The following AFAP1 variants were observed in gnomAD, a reference collection of about 807,000 sequenced individuals.
AFAP1 encodes actin filament-associated protein 1.
In AFAP1, 75 loss-of-function variants were observed where a neutral mutation model predicts 93.9. The observed-to-expected ratio is 0.80, with a 90% CI of 0.66 to 0.97. The LOEUF is 0.97. Ranked by LOEUF, AFAP1 falls within the 50% of genes least tolerant of loss-of-function variation. AFAP1 has a pLI of 0.00. For synonymous variants in AFAP1, 517 were observed against 430.7 expected (o/e 1.20, Z -2.48); for missense variants, 1,201 against 1,050.8 (o/e 1.14, Z -1.98).
At chr4:7,815,994 G>T (rs766079756) in intron 8 of AFAP1, 24 bp downstream of exon 8, 10 of 1,561,324 alleles carry the variant, frequency 6.4e-6, no homozygotes, top group Non-Finnish European at 6.1e-6. Flanking sequence ...GTGTATATAT[G>T]TTTTTGGCAC....
chr4:7,872,148 G>C, intron 1 of AFAP1, 68 bp from the exon 2 acceptor site: 1 of 1,564,278 alleles, frequency 6.4e-7, no homozygotes, highest in Non-Finnish European at 8.7e-7. Flanking sequence ...TGAATACTGA[G>C]TCTTACTCGA....
chr4:7,925,076 T>G (rs1487347510), intron 1 of AFAP1, among the ~76,000 whole-genome samples: 1 of 152,046 alleles, frequency 6.6e-6, no homozygotes, highest in South Asian at 2.1e-4. Flanking sequence ...CTCTGCCACA[T>G]GCAAGTGACG....
chr4:7,768,829 G>T lies in AFAP1; in HGVS notation c.2418+15C>A. ...TGCCCAGGACACCCAGACACCCCCG[G>T]ACATCAGGGCTTACCTTGGCCTTCC... On this transcript the variant is annotated intron_variant, in intron 17 of 17. Transcript: ENST00000420658. The T allele has an allele frequency of 6.4e-7, 1 of 1,565,954 alleles. No individual in the cohort carries two copies. Among genetic ancestry groups the T allele is most frequent in the South Asian group, 1.2e-5 (1 of 86,336 alleles).
intron 12 of AFAP1, among the ~76,000 whole-genome samples, chr4:7,785,627 A>C (rs758458855): frequency 3.9e-5 from 6 of 152,216 alleles, no homozygotes; most frequent in Non-Finnish European, 7.3e-5. Flanking sequence ...TAGTGGGCTG[A>C]CACATTTAAT....
chr4:7,852,288 T>C (rs933426225), intron 4 of AFAP1, among the ~76,000 whole-genome samples: 4 of 152,112 alleles, frequency 2.6e-5, no homozygotes, highest in Non-Finnish European at 5.9e-5. Flanking sequence ...TTGCTTTCCT[T>C]CCCTAAAATG....
At chr4:7,853,637 T>C (rs1714710274) in intron 4 of AFAP1, among the ~76,000 whole-genome samples, 1 of 152,092 alleles carries the variant, frequency 6.6e-6, no homozygotes. Flanking sequence ...TTCAATAAAC[T>C]CTTCCCTCCA....
At chr4:7,865,350 G>T (rs962580361) in intron 3 of AFAP1, among the ~76,000 whole-genome samples, 1 of 152,214 alleles carries the variant, frequency 6.6e-6, no homozygotes, top group Admixed American at 6.5e-5. Context: ...GCTGGGTATG[G>T]TAGCTCACGC....
intron 3 of AFAP1, among the ~76,000 whole-genome samples, chr4:7,862,921 C>T (rs749329460): frequency 5.3e-5 from 8 of 152,164 alleles, no homozygotes; most frequent in Non-Finnish European, 1.0e-4. Flanking sequence ...GCAGCACAAA[C>T]GGCGCTTATC....
At chr4:7,766,255 G>T (rs904141670) in intron 17 of AFAP1, among the ~76,000 whole-genome samples, 2 of 152,276 alleles carry the variant, frequency 1.3e-5, no homozygotes, top group African/African-American at 2.4e-5. Context: ...GCCTCCCTGG[G>T]ACAGCTATGT....
chr4:7,913,340 T>C (rs1212973782), intron 1 of AFAP1, among the ~76,000 whole-genome samples: 1 of 144,640 alleles, frequency 6.9e-6, no homozygotes, highest in African/African-American at 2.6e-5. Context: ...CAGTGAGCCA[T>C]GATCGCACCA....
intron 17 of AFAP1, 24 bp downstream of exon 17, chr4:7,768,820 A>C: frequency 1.3e-6 from 2 of 1,545,168 alleles, no homozygotes; most frequent in South Asian, 1.2e-5. Context: ...GGACACCCAG[A>C]CACCCCCGGA....
At chr4:7,921,915 C>G (rs13435273) in intron 1 of AFAP1, among the ~76,000 whole-genome samples, 135,126 of 152,240 alleles carry the variant, frequency 0.89, 60,184 homozygotes, top group African/African-American at 0.96. Context: ...ACGAGGCCAA[C>G]AGATCGAGAC....
intron 9 of AFAP1, among the ~76,000 whole-genome samples, chr4:7,802,408 T>C (rs1006326343): frequency 3.3e-5 from 5 of 152,138 alleles, no homozygotes; most frequent in African/African-American, 1.2e-4. Flanking sequence ...GGCCCTAGAA[T>C]TAAAGTAGGA....
chr4:7,781,838 C>T (rs1449577898), intron 12 of AFAP1, among the ~76,000 whole-genome samples: 2 of 152,112 alleles, frequency 1.3e-5, no homozygotes, highest in Non-Finnish European at 2.9e-5. Context: ...CACAAGCATG[C>T]AGGTGGATTC....
At chr4:7,763,867 T>C in intron 17 of AFAP1, 76 bp from the exon 18 acceptor site, 1 of 1,470,174 alleles carries the variant, frequency 6.8e-7, no homozygotes, top group South Asian at 1.2e-5. Flanking sequence ...CCATCCACAT[T>C]CAACTCAGAG....
Position 7,939,398 on chromosome 4 carries a change from G to A in AFAP1, c.-3+258C>T, listed in dbSNP as rs1283781231. 1.6e-5 allele frequency: 5 copies of A among 316,004 alleles called. No homozygotes were observed. In the East Asian group the frequency reaches 7.7e-4, roughly 49 times the overall value. The allele number at this position is 316,004 out of a possible 1,614,324, so 19.6% of individuals were successfully genotyped here. Reference sequence around the variant, plus strand: ...GCACCGGGCAGGAGCCAGCGCCCGGGTCCACGCAGTCCCCTCCGGGCAGAC... The same window carrying A: ...GCACCGGGCAGGAGCCAGCGCCCGGATCCACGCAGTCCCCTCCGGGCAGAC... On this transcript the variant is annotated intron_variant, in intron 1 of 17. Coordinates refer to ENST00000420658, the MANE Select transcript of AFAP1 (RefSeq NM_001134647.2). This position sits in a 1 kb window ranked among gnomAD's most constrained non-coding sequence, Gnocchi z 5.6.
At chr4:7,894,679 C>G (rs974164828) in intron 1 of AFAP1, among the ~76,000 whole-genome samples, 2 of 152,202 alleles carry the variant, frequency 1.3e-5, no homozygotes, top group African/African-American at 2.4e-5. Flanking sequence ...CACTTCACCA[C>G]CCTTCTCTTC....
At chr4:7,923,276 C>T (rs188015474) in intron 1 of AFAP1, among the ~76,000 whole-genome samples, 9 of 152,310 alleles carry the variant, frequency 5.9e-5, no homozygotes, top group African/African-American at 2.2e-4. Flanking sequence ...CTGTATCAGT[C>T]AGCTCAGATG....
In AFAP1 at chr4:7,868,685, C is replaced by T; in HGVS notation, c.162G>A (p.Glu54=). The change falls in exon 3 of 18, where the codon GAG becomes GAA. Residue 54 remains glutamate (E), a synonymous_variant. Transcript: ENST00000420658. ...FDVKDHAQKQ[E]TANSLPAPPQ... Reference sequence around the variant, plus strand: ...GAGGGGCTGGCAGGCTGTTAGCGGTCTCCTGCTTCTGAGCATGGTCCTTCA... The same window carrying T: ...GAGGGGCTGGCAGGCTGTTAGCGGTTTCCTGCTTCTGAGCATGGTCCTTCA... 1 of 1,613,530 alleles carries T rather than the reference C, an allele frequency of 6.2e-7. No individual in the cohort carries two copies. Among genetic ancestry groups the T allele is most frequent in the Non-Finnish European group, 8.5e-7 (1 of 1,179,944 alleles).
Sources: gnomAD v4.1 joint callset for allele counts (sites outside exome capture counted in the v4.1 genomes callset) on GRCh38, gnomAD v4.1.1 for gene constraint, Gnocchi (gnomAD v3.1) non-coding constraint, MANE v1.5 for transcripts, NCBI Gene and HGNC (gene_info 2026-07-23, HGNC 2026-07-21) for gene names.